SLC38A1: variants seen among roughly 807,000 people sequenced by gnomAD.
SLC38A1 encodes the protein solute carrier family 38 member 1, also known as sodium-coupled neutral amino acid symporter 1.
In SLC38A1, 18 loss-of-function variants were observed where a neutral mutation model predicts 60.3. That is an observed-to-expected ratio of 0.30 (90% CI 0.21 to 0.44). The LOEUF is 0.44. SLC38A1 is among the 20% of genes least tolerant of loss of function. SLC38A1 has a pLI of 1.00. For missense variants in SLC38A1, 448 were observed against 587.2 expected (o/e 0.76, Z 2.45); for synonymous variants, 196 against 212.1 (o/e 0.92, Z 0.66).
intron 2 of SLC38A1, among the ~76,000 whole-genome samples, chr12:46,240,569 G>C (rs897292846): frequency 1.3e-5 from 2 of 152,126 alleles, no homozygotes; most frequent in African/African-American, 4.8e-5. Context: ...CACATAGCTG[G>C]TACAGACTGC....
At position 46,207,221 on chromosome 12, in the gene SLC38A1, A is replaced by T. The variant is rs761604456; in HGVS notation, c.497T>A (p.Leu166His). Residue 166 changes from leucine to histidine, a missense_variant, in exon 8 of 17, where the codon CTC (leucine) becomes CAC (histidine). By Grantham distance (99) the Leu-to-His change is moderately conservative. Coordinates refer to ENST00000398637, the MANE Select transcript of SLC38A1 (RefSeq NM_030674.4). ...LQNTGAMLSY[L>H]FIVKNELPSA... The stretch of plus-strand genomic sequence containing the variant: ...GGGTAGTTCATTTTTTACGATGAAG[A>T]GGTAGCTCAGCATTGCTGAAGGAAA... The T allele has an allele frequency of 1.8e-5, 29 of 1,612,724 alleles. No individual in the cohort carries two copies. The highest frequency in any genetic ancestry group is 2.3e-5 in the Non-Finnish European group (27 of 1,179,206).
In SLC38A1 at chr12:46,222,527, T is replaced by C. The variant is rs541026547; in HGVS notation, c.314+6626A>G. 2.8e-3 allele frequency among the ~76,000 whole-genome samples: 421 copies of C among 152,336 alleles called. 1 individual carries two copies. Among genetic ancestry groups the C allele is most frequent in the African/African-American group, 9.5e-3 (394 of 41,570 alleles). On this transcript the variant is annotated intron_variant, in intron 5 of 16. Transcript: ENST00000398637. ...CGCAGTAACATAGTGCTACACACTATGTTCCCCGTTACAACCTAGGAGATT... is the reference window on the plus strand; with the variant it reads ...CGCAGTAACATAGTGCTACACACTACGTTCCCCGTTACAACCTAGGAGATT...
intron 16 of SLC38A1, 81 bp from the exon 17 acceptor site, chr12:46,189,152 T>G (rs147250173): frequency 3.1e-6 from 3 of 981,466 alleles, no homozygotes; most frequent in South Asian, 2.7e-5. Flanking sequence ...AATAGAACAG[T>G]TTTTCCTCTC....
chr12:46,186,373 C>T lies in SLC38A1; in HGVS notation c.*2597G>A, dbSNP rs928298937. On this transcript the variant is annotated 3_prime_UTR_variant, in exon 17 of 17. Transcript: ENST00000398637. The stretch of plus-strand genomic sequence containing the variant: ...AGAGATCCTACCTACCAAAGGAAAA[C>T]GTGCTGCTCCCCATGCCTAGGGTAT... 5 of 152,214 alleles carry T rather than the reference C, an allele frequency of 3.3e-5. No homozygotes were observed. The highest frequency in any genetic ancestry group is 2.0e-4 in the Admixed American group (3 of 15,272). 9.4% of individuals were successfully genotyped at this position (152,214 alleles called of 1,614,324 possible). A position where few individuals can be genotyped will look rare whatever the true frequency, so the allele number is the denominator to read the frequency against.
intron 1 of SLC38A1, among the ~76,000 whole-genome samples, chr12:46,251,579 T>G (rs995374233): frequency 6.6e-6 from 1 of 151,482 alleles, no homozygotes; most frequent in African/African-American, 2.4e-5. Context: ...TGGGAGAAAA[T>G]CTACCCATCT....
At chr12:46,252,883 C>T (rs1317814680) in intron 1 of SLC38A1, among the ~76,000 whole-genome samples, 2 of 151,664 alleles carry the variant, frequency 1.3e-5, no homozygotes, top group East Asian at 3.9e-4. Context: ...AGAAGGGGAT[C>T]CTCTCATTTG....
At chr12:46,221,367 T>C (rs549400148) in intron 5 of SLC38A1, among the ~76,000 whole-genome samples, 51 of 152,152 alleles carry the variant, frequency 3.4e-4, no homozygotes, top group Non-Finnish European at 6.5e-4. Context: ...TCATCTAGTA[T>C]TTCTTAGCAG....
At chr12:46,248,883 G>A (rs1394136213) in intron 1 of SLC38A1, among the ~76,000 whole-genome samples, 1 of 152,078 alleles carries the variant, frequency 6.6e-6, no homozygotes, top group Non-Finnish European at 1.5e-5. Context: ...AAGGCCAGGT[G>A]CGATGGCTCA....
chr12:46,259,987 AAAG>A (rs1317702095), intron 1 of SLC38A1, among the ~76,000 whole-genome samples: 1 of 152,196 alleles, frequency 6.6e-6, no homozygotes, highest in East Asian at 1.9e-4. Context: ...TAGCCCCAGG[AAAG>A]AAGGTTAACT....
rs530062102 is a variant in SLC38A1, at chr12:46,226,730, C to T, written c.314+2423G>A. On this transcript the variant is annotated intron_variant, in intron 5 of 16. Coordinates refer to ENST00000398637, the MANE Select transcript of SLC38A1 (RefSeq NM_030674.4). ...TCCCGGGTTCAATCGATTCTCCTGC[C>T]TCAGCCTCCTGAGTAGCTGGGATTA... Among the ~76,000 whole-genome samples, 27 of 151,942 alleles carry T rather than the reference C, an allele frequency of 1.8e-4. No individual in the cohort carries two copies. The South Asian group carries it at 5.4e-3, about 30-fold the overall frequency.
Position 46,268,646 on chromosome 12 carries a change from T to C in SLC38A1, c.-329A>G. 4 of 236,256 alleles carry C rather than the reference T, an allele frequency of 1.7e-5. No homozygotes were observed. The highest frequency in any genetic ancestry group is 1.5e-4 in the South Asian group (4 of 26,876). 14.6% of individuals were successfully genotyped at this position (236,256 alleles called of 1,614,324 possible). Reference sequence around the variant, plus strand: ...GGTCTGGCTGCGGAGGCCGGGAAAATGTGGCCCCCGTCAGTAAGGGTTGGG... The same window carrying C: ...GGTCTGGCTGCGGAGGCCGGGAAAACGTGGCCCCCGTCAGTAAGGGTTGGG... On this transcript the variant is annotated 5_prime_UTR_variant, in exon 1 of 17. Transcript: ENST00000398637. This position sits in a 1 kb window ranked among gnomAD's most constrained non-coding sequence, Gnocchi z 4.4.
intron 5 of SLC38A1, among the ~76,000 whole-genome samples, chr12:46,219,136 A>T (rs542539029): frequency 1.7e-3 from 258 of 152,320 alleles, no homozygotes; most frequent in Non-Finnish European, 1.7e-3. Context: ...GTCTTTTTGG[A>T]AAAGGGCTGT....
At position 46,241,763 on chromosome 12, in the gene SLC38A1, C is replaced by T. The variant is rs537838103; in HGVS notation, c.-94+1437G>A. 3.3e-5 allele frequency among the ~76,000 whole-genome samples: 5 copies of T among 152,284 alleles called. No individual in the cohort carries two copies. In the South Asian group the frequency reaches 1.0e-3, roughly 32 times the overall value. ...CTTGGCCCTCTTTGATGAAAGCTGT[C>T]CAAATGGGCTAGACTGGGTAATTTC... is the stretch of plus-strand genomic sequence containing the variant. On this transcript the variant is annotated intron_variant, in intron 2 of 16. Coordinates refer to ENST00000398637, the MANE Select transcript of SLC38A1 (RefSeq NM_030674.4).
intron 6 of SLC38A1, 99 bp downstream of exon 6, chr12:46,208,955 A>G: frequency 2.4e-6 from 2 of 825,666 alleles, no homozygotes; most frequent in Non-Finnish European, 4.0e-6. Context: ...TCTTTTTAAT[A>G]ATCAAATTGC....
intron 5 of SLC38A1, among the ~76,000 whole-genome samples, chr12:46,218,334 T>C (rs1940505267): frequency 6.6e-6 from 1 of 152,048 alleles, no homozygotes; most frequent in Non-Finnish European, 1.5e-5. Context: ...AGATGTTAAC[T>C]CTTGAGTGAC....
chr12:46,194,036 C>T (rs983824098), intron 16 of SLC38A1, among the ~76,000 whole-genome samples: 5 of 152,168 alleles, frequency 3.3e-5, no homozygotes, highest in African/African-American at 1.2e-4. Context: ...AGTCACTGGT[C>T]TTTACCATTT....
rs536362888 is a variant in SLC38A1, at chr12:46,186,637, T to C, written c.*2333A>G. 1 of 152,184 alleles carries C rather than the reference T, an allele frequency of 6.6e-6. No homozygotes were observed. Among genetic ancestry groups the C allele is most frequent in the African/African-American group, 2.4e-5 (1 of 41,432 alleles). The allele number at this position is 152,184 out of a possible 1,614,324, so 9.4% of individuals were successfully genotyped here. A position where few individuals can be genotyped will look rare whatever the true frequency, so the allele number is the denominator to read the frequency against. Reference sequence around the variant, plus strand: ...AGTCAACAACAAATTTAGAGAAACATACAAAGGTTTTTAAAAATATGGGTG... The same window carrying C: ...AGTCAACAACAAATTTAGAGAAACACACAAAGGTTTTTAAAAATATGGGTG... On this transcript the variant is annotated 3_prime_UTR_variant, in exon 17 of 17. Coordinates refer to ENST00000398637, the MANE Select transcript of SLC38A1 (RefSeq NM_030674.4).
At chr12:46,253,861 C>G (rs926263460) in intron 1 of SLC38A1, among the ~76,000 whole-genome samples, 3 of 152,090 alleles carry the variant, frequency 2.0e-5, no homozygotes, top group Admixed American at 2.0e-4. Context: ...TGATGGTATT[C>G]CTACCTAACT....
At chr12:46,196,035 G>A (rs553810180) in intron 16 of SLC38A1, 13 of 1,008,332 alleles carry the variant, frequency 1.3e-5, no homozygotes, top group African/African-American at 6.5e-5. Flanking sequence ...CTTCTACATC[G>A]ATCTTGCTGG....
Sources: gnomAD v4.1 joint callset for allele counts (sites outside exome capture counted in the v4.1 genomes callset) on GRCh38, gnomAD v4.1.1 for gene constraint, Gnocchi (gnomAD v3.1) non-coding constraint, MANE v1.5 for transcripts, NCBI Gene and HGNC (gene_info 2026-07-23, HGNC 2026-07-21) for gene names.